The following PPFIBP2 variants were observed in gnomAD, a reference collection of about 807,000 sequenced individuals.
PPFIBP2 encodes PPFIB scaffold protein 2, also known as liprin-beta-2.
PPFIBP2 carries 118 observed loss-of-function variants against 118.3 expected under a neutral mutation model. The ratio of observed to expected loss-of-function variants is 1.00; its 90% CI spans 0.86 to 1.16. The LOEUF is 1.16. PPFIBP2 is among the 50% of genes most tolerant of loss of function. The pLI, the probability that PPFIBP2 is intolerant of heterozygous loss-of-function variation, is 0.00. For missense variants in PPFIBP2, 1,195 were observed against 1,073.1 expected (o/e 1.11, Z -1.59); for synonymous variants, 414 against 397.4 (o/e 1.04, Z -0.50).
intron 1 of PPFIBP2, among the ~76,000 whole-genome samples, chr11:7,515,544 C>G (rs971104877): frequency 6.6e-6 from 1 of 152,162 alleles, no homozygotes; most frequent in Non-Finnish European, 1.5e-5. Context: ...CTCAAAGGAT[C>G]CCTCCTGGGG....
intron 3 of PPFIBP2, among the ~76,000 whole-genome samples, chr11:7,580,857 A>G (rs1170899410): frequency 6.6e-6 from 1 of 152,212 alleles, no homozygotes; most frequent in Admixed American, 6.5e-5. Context: ...ATTAACTGCT[A>G]TTGGTGATTA....
intron 11 of PPFIBP2, among the ~76,000 whole-genome samples, chr11:7,632,154 C>T (rs967795314): frequency 2.0e-5 from 3 of 152,174 alleles, no homozygotes; most frequent in African/African-American, 7.2e-5. Context: ...GGTCTTTCCC[C>T]CTGTAATGTT....
chr11:7,651,551 T>C, intron 22 of PPFIBP2, 105 bp from the exon 23 acceptor site: 1 of 1,028,592 alleles, frequency 9.7e-7, no homozygotes, highest in Non-Finnish European at 1.4e-6. Flanking sequence ...CTCCTGTCCC[T>C]CCTCTGGAGG....
chr11:7,605,733 C>G, intron 5 of PPFIBP2: 1 of 1,342,128 alleles, frequency 7.5e-7, no homozygotes, highest in East Asian at 2.9e-5. Context: ...AACTAGTGGC[C>G]GCAGAAGAAA....
At chr11:7,521,709 A>G (rs1014730126) in intron 1 of PPFIBP2, among the ~76,000 whole-genome samples, 14 of 152,230 alleles carry the variant, frequency 9.2e-5, no homozygotes, top group Admixed American at 7.9e-4. Context: ...GTGGCCCCAC[A>G]CTTAGCAGAT....
chr11:7,560,196 A>G (rs1564973321), intron 2 of PPFIBP2, among the ~76,000 whole-genome samples: 1 of 152,214 alleles, frequency 6.6e-6, no homozygotes, highest in Non-Finnish European at 1.5e-5. Flanking sequence ...GGGTTTACTC[A>G]CTTAATTTCC....
chr11:7,539,539 C>G (rs575233345), intron 1 of PPFIBP2: 3 of 152,420 alleles, frequency 2.0e-5, no homozygotes, highest in African/African-American at 7.2e-5. Flanking sequence ...CAGTGTAGAC[C>G]GGTGACCTCT....
At chr11:7,636,754 T>TAA (rs1217240737) in intron 14 of PPFIBP2, among the ~76,000 whole-genome samples, 1 of 152,202 alleles carries the variant, frequency 6.6e-6, no homozygotes, top group African/African-American at 2.4e-5. Context: ...TGCTCCAGAT[T>TAA]AAAAGATTAA....
At chr11:7,518,017 C>T (rs1321417619) in intron 1 of PPFIBP2, among the ~76,000 whole-genome samples, 1 of 152,222 alleles carries the variant, frequency 6.6e-6, no homozygotes, top group Non-Finnish European at 1.5e-5. Flanking sequence ...TTGAAACAGG[C>T]GCCAGGTGGA....
intron 5 of PPFIBP2, among the ~76,000 whole-genome samples, chr11:7,599,137 C>G (rs1860942037): frequency 6.6e-6 from 1 of 150,604 alleles, no homozygotes; most frequent in South Asian, 2.1e-4. Context: ...TTTGAAGACC[C>G]AGGAAAGAAA....
rs1854048631 is a variant in PPFIBP2, at chr11:7,651,746, A to C, written c.2338A>C (p.Lys780Gln). Reference sequence around the variant, plus strand: ...GCTCCTCAGGCGCCACCTGACCACCAAGTTCAATGCCTTGATTGGTCCGGA... The same window carrying C: ...GCTCCTCAGGCGCCACCTGACCACCCAGTTCAATGCCTTGATTGGTCCGGA... ...KTLLRRHLTTKFNALIGPEAE... is the reference protein window; with the variant it reads ...KTLLRRHLTTQFNALIGPEAE... Residue 780 changes from lysine to glutamine, a missense_variant, in exon 23 of 24, where the codon AAG becomes CAG. Transcript: ENST00000299492. The C allele has an allele frequency of 6.2e-7, 1 of 1,613,984 alleles. No individual in the cohort carries two copies. The highest frequency in any genetic ancestry group is 1.1e-5 in the South Asian group (1 of 91,088).
At chr11:7,570,454 A>ATG (rs1855539983) in intron 3 of PPFIBP2, among the ~76,000 whole-genome samples, 1 of 152,178 alleles carries the variant, frequency 6.6e-6, no homozygotes, top group African/African-American at 2.4e-5. Context: ...TACATTGGGT[A>ATG]TGGGCCAAGG....
intron 3 of PPFIBP2, among the ~76,000 whole-genome samples, chr11:7,580,344 T>G (rs961309560): frequency 2.0e-5 from 3 of 152,106 alleles, no homozygotes; most frequent in African/African-American, 2.4e-5. Flanking sequence ...GCTGAGGTGG[T>G]GTGGAGAGCT....
chr11:7,631,207 C>T (rs1850718259), intron 11 of PPFIBP2, 179 bp downstream of exon 11: 4 of 581,856 alleles, frequency 6.9e-6, no homozygotes, highest in African/African-American at 1.9e-5. Context: ...GAGGCTCTGG[C>T]CTGTGCTCTG....
At chr11:7,531,054 A>T (rs1424689636) in intron 1 of PPFIBP2, among the ~76,000 whole-genome samples, 1 of 152,146 alleles carries the variant, frequency 6.6e-6, no homozygotes, top group African/African-American at 2.4e-5. Flanking sequence ...ACAAACTTCC[A>T]GGAGCAAAAC....
At chr11:7,577,328 T>TGCGTGTGTGTGTGC (rs139232467) in intron 3 of PPFIBP2, 19 of 283,184 alleles carry the variant, frequency 6.7e-5, no homozygotes, top group East Asian at 4.4e-4. Flanking sequence ...TGCGTGTGTG[T>TGCGTGTGTGTGTGC]GTGTGTGTGT....
rs754949770 is a variant in PPFIBP2, at chr11:7,650,885, G to A, written c.2167G>A (p.Val723Met). ...AGTTGTACAGTGGTCCAACCACAGGGTGATGGAGTGGTTACGATCTGTGGA... is the reference window on the plus strand; with the variant it reads ...AGTTGTACAGTGGTCCAACCACAGGATGATGGAGTGGTTACGATCTGTGGA... ...SEVVQWSNHRVMEWLRSVDLA... is the reference protein window; with the variant it reads ...SEVVQWSNHRMMEWLRSVDLA... The change falls in exon 22 of 24, where the codon GTG becomes ATG. Residue 723 changes from valine to methionine, a missense_variant. Coordinates refer to ENST00000299492, the MANE Select transcript of PPFIBP2 (RefSeq NM_003621.5). 6.2e-7 allele frequency: 1 copy of A among 1,614,034 alleles called. No individual in the cohort carries two copies. The highest frequency in any genetic ancestry group is 1.1e-5 in the South Asian group (1 of 91,076).
intron 3 of PPFIBP2, among the ~76,000 whole-genome samples, chr11:7,586,595 T>G (rs540244506): frequency 6.6e-6 from 1 of 152,324 alleles, no homozygotes; most frequent in East Asian, 1.9e-4. Flanking sequence ...TTTTTTCTAT[T>G]GAAAGGATGG....
chr11:7,559,923 A>AAAAAT (rs549118206), intron 2 of PPFIBP2, among the ~76,000 whole-genome samples: 2 of 152,160 alleles, frequency 1.3e-5, no homozygotes, highest in Non-Finnish European at 2.9e-5. Context: ...CTCCATGTTA[A>AAAAAT]AAAATAAAAT....
Sources: allele counts gnomAD v4.1 joint callset (sites outside exome capture counted in the v4.1 genomes callset), GRCh38; gene constraint gnomAD v4.1.1; transcripts MANE v1.5; gene names NCBI Gene and HGNC (gene_info 2026-07-23, HGNC 2026-07-21).